The following RORA variants were observed in gnomAD, a reference collection of about 807,000 sequenced individuals.
RORA encodes the protein nuclear receptor ROR-alpha.
A neutral mutation model predicts 69.5 loss-of-function variants in RORA; 7 were observed. The ratio of observed to expected loss-of-function variants is 0.10; its 90% CI spans 0.06 to 0.19. The LOEUF (loss-of-function observed/expected upper bound fraction) is 0.19, where lower values mean the gene tolerates loss of function less well. RORA is among the 10% of genes least tolerant of loss of function. The pLI, the probability that RORA is intolerant of heterozygous loss-of-function variation, is 1.00. For synonymous variants in RORA, 261 were observed against 240.8 expected (o/e 1.08, Z -0.78); for missense variants, 457 against 663.0 (o/e 0.69, Z 3.41).
At chr15:60,563,070 G>T (rs548077013) in intron 2 of RORA, among the ~76,000 whole-genome samples, 1 of 152,230 alleles carries the variant, frequency 6.6e-6, no homozygotes, top group East Asian at 1.9e-4. Flanking sequence ...TCTGAATCTT[G>T]TTACTTAAGG....
At position 60,630,888 on chromosome 15, in the gene RORA, C is replaced by CT. The variant is rs542275787; in HGVS notation, c.196+47768dup. Among the ~76,000 whole-genome samples, 140 of 109,894 alleles carry CT rather than the reference C, an allele frequency of 1.3e-3. 4 individuals carry two copies. In the Middle Eastern group the frequency reaches 0.016, roughly 13 times the overall value. 72.1% of individuals were successfully genotyped at this position (109,894 alleles called of 152,430 possible). A position where few individuals can be genotyped will look rare whatever the true frequency, so the allele number is the denominator to read the frequency against. Reference sequence around the variant, plus strand: ...GGCATTTGGGCCAGGATGAGACTTTCTTTTTTTTTTTTTTTTTGAGACGGA... The same window carrying CT: ...GGCATTTGGGCCAGGATGAGACTTTCTTTTTTTTTTTTTTTTTTGAGACGGA... On this transcript the variant is annotated intron_variant, in intron 2 of 10. Coordinates refer to ENST00000335670, the MANE Select transcript of RORA (RefSeq NM_134261.3).
At chr15:61,006,584 A>G (rs552346420) in intron 1 of RORA, among the ~76,000 whole-genome samples, 1 of 152,296 alleles carries the variant, frequency 6.6e-6, no homozygotes, top group South Asian at 2.1e-4. Context: ...TAATAAAAAC[A>G]CCTGCTGCAC....
rs1187807430 is a variant in RORA, at chr15:60,493,848, A to G, written c.*3607T>C. 2 of 151,930 alleles carry G rather than the reference A, an allele frequency of 1.3e-5. No individual in the cohort carries two copies. The highest frequency in any genetic ancestry group is 2.9e-5 in the Non-Finnish European group (2 of 67,964). The allele number at this position is 151,930 out of a possible 1,614,324, so 9.4% of individuals were successfully genotyped here. On this transcript the variant is annotated 3_prime_UTR_variant, in exon 11 of 11. Transcript: ENST00000335670. The stretch of plus-strand genomic sequence containing the variant: ...GTATAGAATAAATCTTTTTTTCCCC[A>G]TCTTCTAGTTTTGATTTAAGTATTT...
At chr15:60,684,151 C>G (rs955487534) in intron 1 of RORA, among the ~76,000 whole-genome samples, 2 of 151,646 alleles carry the variant, frequency 1.3e-5, no homozygotes, top group Admixed American at 1.3e-4. Flanking sequence ...TTGCAATTAC[C>G]AAACCAGCAT....
chr15:61,221,362 T>G (rs971495069), intron 1 of RORA, among the ~76,000 whole-genome samples: 1 of 152,232 alleles, frequency 6.6e-6, no homozygotes, highest in East Asian at 1.9e-4. Context: ...ATTCAAACGA[T>G]GGTCCCTCAT....
At chr15:61,015,841 A>G (rs1895264891) in intron 1 of RORA, among the ~76,000 whole-genome samples, 1 of 152,238 alleles carries the variant, frequency 6.6e-6, no homozygotes. Context: ...TTAATTGAAG[A>G]AGATGGTCCA....
chr15:60,985,185 A>G (rs1894162700), intron 1 of RORA, among the ~76,000 whole-genome samples: 1 of 152,234 alleles, frequency 6.6e-6, no homozygotes, highest in African/African-American at 2.4e-5. Flanking sequence ...GTCTGAATCT[A>G]AGAATCTTTT....
At chr15:60,586,085 T>C (rs1003154214) in intron 2 of RORA, among the ~76,000 whole-genome samples, 1 of 152,218 alleles carries the variant, frequency 6.6e-6, no homozygotes, top group Non-Finnish European at 1.5e-5. Flanking sequence ...GGATACTTAA[T>C]AATCAACTTC....
intron 2 of RORA, among the ~76,000 whole-genome samples, chr15:60,542,699 C>T (rs1272909864): frequency 2.0e-5 from 3 of 150,216 alleles, no homozygotes; most frequent in African/African-American, 7.4e-5. Flanking sequence ...ACACACGGCA[C>T]ACGGGCACAC....
At chr15:60,579,028 A>T (rs915079977) in intron 2 of RORA, among the ~76,000 whole-genome samples, 1 of 150,664 alleles carries the variant, frequency 6.6e-6, no homozygotes, top group Non-Finnish European at 1.5e-5. Flanking sequence ...CGGCCTCTCA[A>T]AGTGCTGGGA....
chr15:61,119,959 G>A (rs60022963), intron 1 of RORA, among the ~76,000 whole-genome samples: 5,041 of 152,222 alleles, frequency 0.033, 188 homozygotes, highest in East Asian at 0.1. Flanking sequence ...CAGGTGAGGC[G>A]GGGAGGAGTT....
At position 60,662,549 on chromosome 15, in the gene RORA, A is replaced by G. The variant is rs1238635211; in HGVS notation, c.196+16108T>C. Among the ~76,000 whole-genome samples, 5 of 152,218 alleles carry G rather than the reference A, an allele frequency of 3.3e-5. No individual in the cohort carries two copies. The South Asian group carries it at 6.2e-4, about 19-fold the overall frequency. Reference sequence around the variant, plus strand: ...AACGCTCTGGAATGTCCATGTGTGGAAAAATAAAACGTTATATGGAATTGC... The same window carrying G: ...AACGCTCTGGAATGTCCATGTGTGGGAAAATAAAACGTTATATGGAATTGC... On this transcript the variant is annotated intron_variant, in intron 2 of 10. Transcript: ENST00000335670.
intron 1 of RORA, among the ~76,000 whole-genome samples, chr15:60,933,214 C>T (rs1892424712): frequency 6.6e-6 from 1 of 152,214 alleles, no homozygotes; most frequent in Admixed American, 6.5e-5. Context: ...CTGGCTCCCA[C>T]TGCCTATGGA....
In RORA at chr15:61,213,730, T is replaced by C. The variant is rs900192397; in HGVS notation, c.166+15323A>G. ...TTTCCTAAGTATCTCTACTATAGCATGCTACATCTTTTTAAAGTAATGTCT... is the reference window on the plus strand; with the variant it reads ...TTTCCTAAGTATCTCTACTATAGCACGCTACATCTTTTTAAAGTAATGTCT... On this transcript the variant is annotated intron_variant, in intron 1 of 10. Coordinates refer to ENST00000335670, the MANE Select transcript of RORA (RefSeq NM_134261.3). The surrounding 1 kb of genome is among the most constrained non-coding windows in gnomAD (Gnocchi z 4.1). 8 of 152,244 alleles carry C rather than the reference T, an allele frequency of 5.3e-5. No individual in the cohort carries two copies. The highest frequency in any genetic ancestry group is 1.0e-4 in the Non-Finnish European group (7 of 68,046). The allele number at this position is 152,244 out of a possible 1,614,324, so 9.4% of individuals were successfully genotyped here.
intron 1 of RORA, among the ~76,000 whole-genome samples, chr15:60,908,411 C>T (rs1000076940): frequency 6.6e-6 from 1 of 152,152 alleles, no homozygotes; most frequent in Admixed American, 6.6e-5. Flanking sequence ...TATTTTCCCC[C>T]CTCCATGGTA....
At chr15:61,216,352 G>C (rs780432993) in intron 1 of RORA, among the ~76,000 whole-genome samples, 1 of 152,128 alleles carries the variant, frequency 6.6e-6, no homozygotes, top group Non-Finnish European at 1.5e-5. Flanking sequence ...AACAGGTTGC[G>C]AGTCTTTTAG....
intron 1 of RORA, among the ~76,000 whole-genome samples, chr15:61,116,010 G>A (rs1265511268): frequency 2.0e-5 from 3 of 152,110 alleles, no homozygotes; most frequent in Non-Finnish European, 4.4e-5. Context: ...GTGAAACACT[G>A]TAGACCAGGC....
chr15:60,852,649 A>T (rs1324871264), intron 1 of RORA, among the ~76,000 whole-genome samples: 1 of 152,224 alleles, frequency 6.6e-6, no homozygotes, highest in Non-Finnish European at 1.5e-5. Context: ...AATAATAAAG[A>T]ACTAAGTAGA....
At chr15:60,688,104 G>A (rs2070773284) in intron 1 of RORA, among the ~76,000 whole-genome samples, 1 of 152,060 alleles carries the variant, frequency 6.6e-6, no homozygotes, top group South Asian at 2.1e-4. Flanking sequence ...TAGCAGTAGA[G>A]GATGGCAAAT....
Sources: gnomAD v4.1 joint callset for allele counts (sites outside exome capture counted in the v4.1 genomes callset) on GRCh38, gnomAD v4.1.1 for gene constraint, Gnocchi (gnomAD v3.1) non-coding constraint, MANE v1.5 for transcripts, NCBI Gene and HGNC (gene_info 2026-07-23, HGNC 2026-07-21) for gene names.